YIPF4: variants seen among roughly 807,000 people sequenced by gnomAD.
YIPF4 encodes the protein Yip1 domain family member 4, also known as protein YIPF4.
A neutral mutation model predicts 29.4 loss-of-function variants in YIPF4; 18 were observed. The observed-to-expected ratio is 0.61, with a 90% CI of 0.42 to 0.91. The LOEUF (loss-of-function observed/expected upper bound fraction) is 0.91, where lower values mean the gene tolerates loss of function less well. YIPF4 is among the 40% of genes least tolerant of loss of function. The pLI is 0.00. For synonymous variants in YIPF4, 115 were observed against 104.7 expected (o/e 1.10, Z -0.60); for missense variants, 279 against 282.7 (o/e 0.99, Z 0.09).
intron 3 of YIPF4, among the ~76,000 whole-genome samples, chr2:32,297,021 A>G (rs947668397): frequency 1.3e-5 from 2 of 152,086 alleles, no homozygotes; most frequent in Non-Finnish European, 2.9e-5. Flanking sequence ...TCGTTTCAAC[A>G]TATCCCATTC....
intron 3 of YIPF4, among the ~76,000 whole-genome samples, chr2:32,292,862 C>CAAAA (rs1217481341): frequency 3.6e-4 from 28 of 77,836 alleles, no homozygotes; most frequent in East Asian, 8.4e-4. Context: ...GACTCCATCT[C>CAAAA]AAAAAAAAAA....
chr2:32,305,995 A>G lies in YIPF4; in HGVS notation c.*369A>G, dbSNP rs2031568924. 8 of 985,442 alleles carry G rather than the reference A, an allele frequency of 8.1e-6. No homozygotes were observed. The highest frequency in any genetic ancestry group is 8.4e-6 in the Non-Finnish European group (7 of 829,722). The allele number at this position is 985,442 out of a possible 1,614,324, so 61.0% of individuals were successfully genotyped here. On this transcript the variant is annotated 3_prime_UTR_variant, in exon 6 of 6. Coordinates refer to ENST00000238831, the MANE Select transcript of YIPF4 (RefSeq NM_032312.4). The stretch of plus-strand genomic sequence containing the variant: ...ACAATATCTTGATAATCAAAAGTGC[A>G]ATTTTTTTCTTCAAAATGTTTTCTC...
chr2:32,297,952 T>C (rs1187839381), intron 3 of YIPF4, among the ~76,000 whole-genome samples: 5 of 150,184 alleles, frequency 3.3e-5, no homozygotes, highest in Non-Finnish European at 4.5e-5. Context: ...AGGGGGTTGA[T>C]AGTAAACACT....
chr2:32,291,469 A>G (rs372989077), intron 2 of YIPF4, among the ~76,000 whole-genome samples: 28 of 152,178 alleles, frequency 1.8e-4, no homozygotes, highest in African/African-American at 5.8e-4. Context: ...GCTTGAACCC[A>G]GGAGACGGAG....
At chr2:32,293,373 C>T (rs2031005986) in intron 3 of YIPF4, among the ~76,000 whole-genome samples, 1 of 152,180 alleles carries the variant, frequency 6.6e-6, no homozygotes, top group Non-Finnish European at 1.5e-5. Flanking sequence ...CCTGAGTGGA[C>T]ACAGCACATG....
intron 3 of YIPF4, among the ~76,000 whole-genome samples, chr2:32,295,954 G>T (rs944237491): frequency 1.3e-5 from 2 of 152,070 alleles, no homozygotes; most frequent in African/African-American, 4.8e-5. Context: ...GCCCAGCAAG[G>T]TAATCCAGAA....
At chr2:32,299,551 G>A (rs1467403182) in intron 4 of YIPF4, among the ~76,000 whole-genome samples, 2 of 152,218 alleles carry the variant, frequency 1.3e-5, no homozygotes, top group African/African-American at 4.8e-5. Flanking sequence ...GCTGGGCGCC[G>A]TGGCTCATAC....
rs1302444042 is a variant in YIPF4 at position 32,314,609 on chromosome 2, AGT to A, written c.*8987_*8988del. ...AATCGCTTGAACCTGGGAGGTGGAG[AGT>A]GTGGTGAGCTGAGATGTCACCATTG... is the stretch of plus-strand genomic sequence containing the variant. On this transcript the variant is annotated 3_prime_UTR_variant, in exon 6 of 6. Transcript: ENST00000238831. The A allele has an allele frequency of 2.0e-5, 3 of 152,108 alleles. No individual in the cohort carries two copies. Among genetic ancestry groups the A allele is most frequent in the East Asian group, 1.9e-4 (1 of 5,174 alleles). 9.4% of individuals were successfully genotyped at this position (152,108 alleles called of 1,614,324 possible). A position where few individuals can be genotyped will look rare whatever the true frequency, so the allele number is the denominator to read the frequency against.
rs1026109619 is a variant in YIPF4, at chr2:32,310,793, T to G, written c.*5167T>G. The G allele has an allele frequency of 9.2e-5, 14 of 152,246 alleles. No individual in the cohort carries two copies. Among genetic ancestry groups the G allele is most frequent in the Admixed American group, 8.5e-4 (13 of 15,280 alleles). 9.4% of individuals were successfully genotyped at this position (152,246 alleles called of 1,614,324 possible). A position where few individuals can be genotyped will look rare whatever the true frequency, so the allele number is the denominator to read the frequency against. ...GGAGGCTGTGAGGCAGGAGAATTGC[T>G]TGAGCCTGGGAGGTTGAGGCTGCAG... On this transcript the variant is annotated 3_prime_UTR_variant, in exon 6 of 6. Coordinates refer to ENST00000238831, the MANE Select transcript of YIPF4 (RefSeq NM_032312.4).
Position 32,315,069 on chromosome 2 carries a change from T to C in YIPF4, c.*9443T>C, listed in dbSNP as rs1332794629. The C allele has an allele frequency of 1.3e-5, 2 of 152,204 alleles. No homozygotes were observed. Among genetic ancestry groups the C allele is most frequent in the East Asian group, 3.8e-4 (2 of 5,204 alleles). 9.4% of individuals were successfully genotyped at this position (152,204 alleles called of 1,614,324 possible). On this transcript the variant is annotated 3_prime_UTR_variant, in exon 6 of 6. Transcript: ENST00000238831. ...CTGATATGGCAGTTTAACAGTGTTA[T>C]TAAGAACTCAAGGTCCATTTATTGC...
At chr2:32,278,841 C>G (rs140186315) in intron 1 of YIPF4, among the ~76,000 whole-genome samples, 1 of 152,230 alleles carries the variant, frequency 6.6e-6, no homozygotes, top group Non-Finnish European at 1.5e-5. Flanking sequence ...TTCCAGTAGC[C>G]TCTACAGATT....
intron 1 of YIPF4, among the ~76,000 whole-genome samples, chr2:32,280,254 A>AGTAGCT (rs1269911290): frequency 1.3e-5 from 2 of 150,958 alleles, no homozygotes; most frequent in Non-Finnish European, 2.9e-5. Context: ...CAGCCTCCCG[A>AGTAGCT]GTAGCTGGAA....
In YIPF4 at chr2:32,305,739, T is replaced by G. The variant is rs1309113942; in HGVS notation, c.*113T>G. 3.1e-6 allele frequency: 4 copies of G among 1,295,592 alleles called. No homozygotes were observed. The African/African-American group carries it at 6.1e-5, about 20-fold the overall frequency. The allele number at this position is 1,295,592 out of a possible 1,614,324, so 80.3% of individuals were successfully genotyped here. A position where few individuals can be genotyped will look rare whatever the true frequency, so the allele number is the denominator to read the frequency against. The stretch of plus-strand genomic sequence containing the variant: ...GCTGCAAAATTTTACATGTTCCAGA[T>G]GGAAAGGGAAGTCTAAGCGCTTTTT... On this transcript the variant is annotated 3_prime_UTR_variant, in exon 6 of 6. Transcript: ENST00000238831.
intron 3 of YIPF4, among the ~76,000 whole-genome samples, chr2:32,296,808 A>G (rs1039984671): frequency 3.3e-5 from 5 of 152,194 alleles, no homozygotes; most frequent in Admixed American, 2.0e-4. Flanking sequence ...CCTGTTTCTC[A>G]TCTAACTTTA....
chr2:32,285,822 A>G (rs961693726), intron 1 of YIPF4, among the ~76,000 whole-genome samples: 84 of 152,010 alleles, frequency 5.5e-4, no homozygotes, highest in African/African-American at 2.0e-3. Context: ...CACCCGGCTA[A>G]TTTTTGTATT....
intron 1 of YIPF4, among the ~76,000 whole-genome samples, chr2:32,284,663 TACTC>T (rs2030576655): frequency 6.6e-6 from 1 of 152,196 alleles, no homozygotes; most frequent in African/African-American, 2.4e-5. Context: ...GTTTATAAAT[TACTC>T]AGTCTCAGGT....
At chr2:32,292,883 A>T (rs1453022786) in intron 3 of YIPF4, among the ~76,000 whole-genome samples, 2 of 136,740 alleles carry the variant, frequency 1.5e-5, no homozygotes, top group African/African-American at 2.7e-5. Flanking sequence ...AAAAAAAAAA[A>T]GAAAATATTA....
Position 32,293,886 on chromosome 2 carries a change from G to A in YIPF4, c.405+1538G>A, listed in dbSNP as rs1173833505. 1.1e-4 allele frequency among the ~76,000 whole-genome samples: 15 copies of A among 134,734 alleles called. No homozygotes were observed. The East Asian group carries it at 2.1e-3, about 19-fold the overall frequency. 88.4% of individuals were successfully genotyped at this position (134,734 alleles called of 152,430 possible). ...TCCCGGACGGGGCGGCTGGCCGGGC[G>A]GGGGGCTGACCCCCCCCACCTCCCT... On this transcript the variant is annotated intron_variant, in intron 3 of 5. Transcript: ENST00000238831.
At position 32,305,422 on chromosome 2, in the gene YIPF4, T is replaced by C. The variant is rs1175585868; in HGVS notation, c.598-67T>C. 43 of 1,401,272 alleles carry C rather than the reference T, an allele frequency of 3.1e-5. No individual in the cohort carries two copies. In the Admixed American group the frequency reaches 1.2e-3, roughly 38 times the overall value. 86.8% of individuals were successfully genotyped at this position (1,401,272 alleles called of 1,614,324 possible). ...AATATTGTAAACACCATTTTTACTC[T>C]ATGATATCCAAAAAGTTAATTGACT... On this transcript the variant is annotated intron_variant, in intron 5 of 5. Coordinates refer to ENST00000238831, the MANE Select transcript of YIPF4 (RefSeq NM_032312.4).
Sources: gnomAD v4.1 joint callset for allele counts (sites outside exome capture counted in the v4.1 genomes callset) on GRCh38, gnomAD v4.1.1 for gene constraint, MANE v1.5 for transcripts, NCBI Gene and HGNC (gene_info 2026-07-23, HGNC 2026-07-21) for gene names.